Variants in HSD17B12 observed in about 807,000 individuals in gnomAD.
HSD17B12 encodes the protein very-long-chain 3-oxoacyl-CoA reductase.
HSD17B12 carries 32 observed loss-of-function variants against 39.3 expected under a neutral mutation model. The ratio of observed to expected loss-of-function variants is 0.81; its 90% CI spans 0.61 to 1.09. HSD17B12 has a LOEUF of 1.09. HSD17B12 is among the 50% of genes least tolerant of loss of function. The pLI is 0.00. For missense variants in HSD17B12, 342 were observed against 382.9 expected (o/e 0.89, Z 0.89); for synonymous variants, 150 against 146.7 (o/e 1.02, Z -0.16).
chr11:43,718,902 T>C, intron 1 of HSD17B12: 1 of 958,044 alleles, frequency 1.0e-6, no homozygotes, highest in South Asian at 1.3e-5. Context: ...CACTATGCTG[T>C]CATCAAGTTT....
the HSD17B12 span, among the ~76,000 whole-genome samples, chr11:43,562,255 C>T: frequency 6.6e-6 from 1 of 152,246 alleles, no homozygotes; most frequent in African/African-American, 2.4e-5. Flanking sequence ...TTTCCCATCT[C>T]ACTCAGCAAT....
At chr11:43,726,148 AG>A (rs1950218319) in intron 1 of HSD17B12, among the ~76,000 whole-genome samples, 1 of 152,206 alleles carries the variant, frequency 6.6e-6, no homozygotes, top group South Asian at 2.1e-4. Flanking sequence ...GTATCACACT[AG>A]TCTAAGGATT....
At chr11:43,806,563 T>C (rs1590316214) in intron 4 of HSD17B12, 1 of 151,338 alleles carries the variant, frequency 6.6e-6, no homozygotes, top group Non-Finnish European at 1.5e-5. Flanking sequence ...GAACTGGAGG[T>C]TATTATGTTA....
At chr11:43,792,330 A>G (rs1950875143) in intron 3 of HSD17B12, among the ~76,000 whole-genome samples, 1 of 152,194 alleles carries the variant, frequency 6.6e-6, no homozygotes, top group African/African-American at 2.4e-5. Context: ...GTGAAAATGG[A>G]GAGGTTTTTT....
At chr11:43,567,564 T>C in the HSD17B12 span, among the ~76,000 whole-genome samples, 1 of 152,180 alleles carries the variant, frequency 6.6e-6, no homozygotes, top group Non-Finnish European at 1.5e-5. Flanking sequence ...GAGAACAGTT[T>C]TACTCTGGAG....
At chr11:43,583,311 G>C in the HSD17B12 span, among the ~76,000 whole-genome samples, 1 of 152,228 alleles carries the variant, frequency 6.6e-6, no homozygotes, top group African/African-American at 2.4e-5. Flanking sequence ...GGCCGAACCC[G>C]GCGTCGTGCG....
chr11:43,817,633 T>G (rs1461031633), intron 6 of HSD17B12, among the ~76,000 whole-genome samples: 2 of 152,042 alleles, frequency 1.3e-5, no homozygotes, highest in African/African-American at 4.8e-5. Context: ...TTTTTGTTTG[T>G]TTTATTGAAG....
chr11:43,623,235 T>G, the HSD17B12 span, among the ~76,000 whole-genome samples: 2 of 152,124 alleles, frequency 1.3e-5, no homozygotes, highest in East Asian at 3.8e-4. Context: ...AATGCAGGAT[T>G]CCATGAAAGT....
intron 1 of HSD17B12, among the ~76,000 whole-genome samples, chr11:43,749,633 T>C (rs940638571): frequency 9.2e-5 from 14 of 151,776 alleles, no homozygotes; most frequent in African/African-American, 3.4e-4. Context: ...TTCAACTTTT[T>C]TTTTCTTTTT....
chr11:43,709,676 T>A (rs182731006), intron 1 of HSD17B12, among the ~76,000 whole-genome samples: 24 of 152,278 alleles, frequency 1.6e-4, no homozygotes, highest in Admixed American at 1.1e-3. Context: ...TTTGAACAGA[T>A]GAAAGAAAAC....
chr11:43,564,895 CTTCTTTTT>C, the HSD17B12 span, among the ~76,000 whole-genome samples: 9 of 113,678 alleles, frequency 7.9e-5, no homozygotes, highest in African/African-American at 2.5e-4. Context: ...AGTCTTTCTT[CTTCTTTTT>C]TTTTTTTTTT....
Position 43,798,316 on chromosome 11 carries a change from C to G in HSD17B12, c.284-4C>G, listed in dbSNP as rs1334345633. The G allele has an allele frequency of 6.3e-7, 1 of 1,584,530 alleles. No individual in the cohort carries two copies. The highest frequency in any genetic ancestry group is 2.2e-5 in the East Asian group (1 of 44,590). Reference sequence around the variant, plus strand: ...CTCCCCGTTTGTGTTTTCTTTTTCCCTAGAAGAAAAATTCAAAGTGGAGAC... The same window carrying G: ...CTCCCCGTTTGTGTTTTCTTTTTCCGTAGAAGAAAAATTCAAAGTGGAGAC... On this transcript the variant is annotated splice_region_variant and splice_polypyrimidine_tract_variant and intron_variant, in intron 3 of 10. Coordinates refer to ENST00000278353, the MANE Select transcript of HSD17B12 (RefSeq NM_016142.3).
At chr11:43,789,946 C>G (rs894852836) in intron 3 of HSD17B12, among the ~76,000 whole-genome samples, 1 of 151,808 alleles carries the variant, frequency 6.6e-6, no homozygotes, top group East Asian at 1.9e-4. Context: ...CCCACTGCCT[C>G]CCCCCCGCAA....
chr11:43,842,872 G>C (rs1951440000), intron 9 of HSD17B12, among the ~76,000 whole-genome samples: 3 of 152,160 alleles, frequency 2.0e-5, no homozygotes, highest in Admixed American at 2.0e-4. Flanking sequence ...CTTGTGAACA[G>C]ACAATCAATT....
In HSD17B12 at chr11:43,855,498, T is replaced by G. The variant is rs987364242; in HGVS notation, c.*250T>G. ...TCAAATGAATATAGAACTAATATTG[T>G]CGGGAACACCTAATAGAAAGGAATA... On this transcript the variant is annotated 3_prime_UTR_variant, in exon 11 of 11. Transcript: ENST00000278353. 6 of 228,318 alleles carry G rather than the reference T, an allele frequency of 2.6e-5. No homozygotes were observed. The highest frequency in any genetic ancestry group is 5.1e-5 in the Non-Finnish European group (6 of 118,620). 14.1% of individuals were successfully genotyped at this position (228,318 alleles called of 1,614,324 possible).
intron 9 of HSD17B12, among the ~76,000 whole-genome samples, chr11:43,851,218 G>A (rs1232329796): frequency 1.3e-5 from 2 of 152,314 alleles, no homozygotes; most frequent in East Asian, 1.9e-4. Flanking sequence ...GCCCACATCT[G>A]CAGCTCTCAA....
intron 1 of HSD17B12, among the ~76,000 whole-genome samples, chr11:43,716,469 C>T (rs996186494): frequency 1.3e-5 from 2 of 151,986 alleles, no homozygotes; most frequent in Admixed American, 6.6e-5. Flanking sequence ...CAGGCAGTTG[C>T]GATTTCATCT....
At chr11:43,613,727 C>T in the HSD17B12 span, among the ~76,000 whole-genome samples, 21 of 151,454 alleles carry the variant, frequency 1.4e-4, no homozygotes, top group East Asian at 1.4e-3. Context: ...AATTCAATGG[C>T]GTGATCTTAG....
chr11:43,706,694 G>GTGTGTGTGTA (rs1950018787), intron 1 of HSD17B12, among the ~76,000 whole-genome samples: 1 of 149,474 alleles, frequency 6.7e-6, no homozygotes, highest in African/African-American at 2.5e-5. Flanking sequence ...GAAGGGGTGT[G>GTGTGTGTGTA]TGTGTGTGTG....
Sources: gnomAD v4.1 joint callset for allele counts (sites outside exome capture counted in the v4.1 genomes callset) on GRCh38, gnomAD v4.1.1 for gene constraint, MANE v1.5 for transcripts, NCBI Gene and HGNC (gene_info 2026-07-23, HGNC 2026-07-21) for gene names.